CWC27: variants seen among roughly 807,000 people sequenced by gnomAD.
CWC27 encodes spliceosome-associated protein CWC27 homolog.
CWC27 carries 47 observed loss-of-function variants against 63.6 expected under a neutral mutation model. The ratio of observed to expected loss-of-function variants is 0.74; its 90% confidence interval spans 0.58 to 0.94. The LOEUF is 0.94. CWC27 is among the 40% of genes least tolerant of loss of function. The probability of loss-of-function intolerance (pLI) is 0.00; values close to 1 mark genes in which losing one functional copy is unlikely to be tolerated. For synonymous variants in CWC27, 175 were observed against 179.8 expected, an observed-to-expected ratio of 0.97 and a Z score of 0.22; for missense variants, 495 against 554.3, an observed-to-expected ratio of 0.89 and a Z score of 1.07.
chr5:64,840,394 AATATATATATATATAT>A lies in CWC27; in HGVS notation c.938+36030_938+36045del, dbSNP rs61685920. Among the ~76,000 whole-genome samples the A allele has an allele frequency of 5.1e-3, 100 of 19,488 alleles. 1 individual carries two copies. Among genetic ancestry groups the A allele is most frequent in the African/African-American group, 0.012 (66 of 5,528 alleles). The allele number at this position is 19,488 out of a possible 152,430, so 12.8% of individuals were successfully genotyped here. Reference sequence around the variant, plus strand: ...AAAAAAAAAAAAAAAAAAAAAAAAAAATATATATATATATATATATATATATATATATATATACTTA... The same window carrying A: ...AAAAAAAAAAAAAAAAAAAAAAAAAAATATATATATATATATATATACTTA... On this transcript the variant is annotated intron_variant, in intron 10 of 13. Transcript: ENST00000381070.
At chr5:64,801,166 C>A (rs113424297) in intron 8 of CWC27, 136 bp from the exon 9 acceptor site, 2 of 788,646 alleles carry the variant, frequency 2.5e-6, no homozygotes, top group South Asian at 2.0e-5. Context: ...TTCTATAATG[C>A]CTTTCTTAAA....
At chr5:64,885,237 C>T (rs781707640) in intron 10 of CWC27, among the ~76,000 whole-genome samples, 3 of 151,886 alleles carry the variant, frequency 2.0e-5, no homozygotes, top group East Asian at 1.9e-4. Flanking sequence ...TATAGTAATT[C>T]GTATTGTTAT....
In CWC27 at chr5:64,871,511, T is replaced by C. The variant is rs1746674879; in HGVS notation, c.939-13932T>C. ...TTATACATTCTGAGAACTAACAGGA[T>C]TTTAGGATGTGGGAATGCATGCAAA... On this transcript the variant is annotated intron_variant, in intron 10 of 13. Coordinates refer to ENST00000381070, the MANE Select transcript of CWC27 (RefSeq NM_005869.4). Among the ~76,000 whole-genome samples, 2 of 151,954 alleles carry C rather than the reference T, an allele frequency of 1.3e-5. 1 individual carries two copies. Among genetic ancestry groups the C allele is most frequent in the South Asian group, 4.2e-4 (2 of 4,818 alleles).
intron 10 of CWC27, among the ~76,000 whole-genome samples, chr5:64,846,329 A>G (rs1745978564): frequency 6.6e-6 from 1 of 152,260 alleles, no homozygotes; most frequent in South Asian, 2.1e-4. Context: ...TAGCAGCTAT[A>G]GCTAAAATAA....
chr5:64,980,447 C>T (rs530041767), intron 13 of CWC27, among the ~76,000 whole-genome samples: 7 of 152,250 alleles, frequency 4.6e-5, no homozygotes, highest in African/African-American at 1.7e-4. Flanking sequence ...TAGCCACCTG[C>T]TCCTTACACA....
At chr5:64,908,774 C>T (rs112066755) in intron 11 of CWC27, among the ~76,000 whole-genome samples, 5,527 of 152,156 alleles carry the variant, frequency 0.036, 351 homozygotes, top group African/African-American at 0.13. Flanking sequence ...AGCCTATGTG[C>T]GTCTCTGCAC....
chr5:64,819,358 A>T (rs902404502), intron 10 of CWC27, among the ~76,000 whole-genome samples: 1 of 152,078 alleles, frequency 6.6e-6, no homozygotes, highest in Non-Finnish European at 1.5e-5. Flanking sequence ...TGTACCCCCG[A>T]ACCTAAAATA....
intron 1 of CWC27, among the ~76,000 whole-genome samples, chr5:64,772,200 A>C (rs1019869600): frequency 2.6e-5 from 4 of 152,214 alleles, no homozygotes; most frequent in Non-Finnish European, 4.4e-5. Flanking sequence ...TAGTGTGTTC[A>C]TTAGAGCAGT....
chr5:64,845,596 T>C (rs1239088277), intron 10 of CWC27, among the ~76,000 whole-genome samples: 3 of 152,034 alleles, frequency 2.0e-5, no homozygotes, highest in African/African-American at 7.2e-5. Context: ...AACTGAAAAA[T>C]TCAATAGAAA....
chr5:64,892,088 C>G (rs760376075), intron 11 of CWC27, among the ~76,000 whole-genome samples: 11 of 152,186 alleles, frequency 7.2e-5, no homozygotes, highest in Non-Finnish European at 1.5e-4. Flanking sequence ...AGCCACCACT[C>G]CCAGCTCTGT....
At chr5:64,973,878 T>G (rs1749172265) in intron 12 of CWC27, among the ~76,000 whole-genome samples, 1 of 152,170 alleles carries the variant, frequency 6.6e-6, no homozygotes, top group African/African-American at 2.4e-5. Context: ...AAGTCTTTTT[T>G]GTTTTCATTT....
intron 11 of CWC27, among the ~76,000 whole-genome samples, chr5:64,936,083 C>A (rs1748346560): frequency 6.6e-6 from 1 of 152,070 alleles, no homozygotes; most frequent in African/African-American, 2.4e-5. Flanking sequence ...TATTTGAATA[C>A]CCTTTATTTA....
chr5:64,960,578 A>G (rs1748888530), intron 11 of CWC27, among the ~76,000 whole-genome samples: 1 of 152,124 alleles, frequency 6.6e-6, no homozygotes, highest in Non-Finnish European at 1.5e-5. Flanking sequence ...TCCAGAAAGT[A>G]TGAGGTACAA....
intron 11 of CWC27, among the ~76,000 whole-genome samples, chr5:64,910,900 G>A (rs766938504): frequency 2.0e-5 from 3 of 152,296 alleles, no homozygotes; most frequent in Non-Finnish European, 4.4e-5. Context: ...CCTACCCTTT[G>A]TGCTTCCCAG....
chr5:64,954,151 C>T (rs371880181), intron 11 of CWC27, among the ~76,000 whole-genome samples: 1 of 152,168 alleles, frequency 6.6e-6, no homozygotes, highest in African/African-American at 2.4e-5. Flanking sequence ...TGTCTAACTT[C>T]GGTGCCCTTC....
chr5:64,933,860 C>T lies in CWC27; in HGVS notation c.1043-37843C>T, dbSNP rs1036269689. On this transcript the variant is annotated intron_variant, in intron 11 of 13. Coordinates refer to ENST00000381070, the MANE Select transcript of CWC27 (RefSeq NM_005869.4). ...GATACCAGGTCTTTACCCTAAATAC[C>T]TATGTGTATATTTCCTAAAGAAGGA... is the stretch of plus-strand genomic sequence containing the variant. Among the ~76,000 whole-genome samples, 56 of 152,122 alleles carry T rather than the reference C, an allele frequency of 3.7e-4. 1 individual carries two copies. Among genetic ancestry groups the T allele is most frequent in the Admixed American group, 3.1e-3 (48 of 15,268 alleles).
chr5:65,004,863 T>TATATATAC (rs1749802168), intron 13 of CWC27, among the ~76,000 whole-genome samples: 1 of 11,114 alleles, frequency 9.0e-5, no homozygotes, highest in Non-Finnish European at 1.6e-4. Context: ...GACTTTTTCA[T>TATATATAC]ATATATATAT....
intron 11 of CWC27, among the ~76,000 whole-genome samples, chr5:64,948,382 TATC>T (rs1249950367): frequency 2.0e-5 from 3 of 151,994 alleles, no homozygotes; most frequent in Admixed American, 1.3e-4. Context: ...GCCAATATAA[TATC>T]ATCAATTTTT....
chr5:64,849,798 T>TTC (rs147510078), intron 10 of CWC27, among the ~76,000 whole-genome samples: 16 of 150,574 alleles, frequency 1.1e-4, no homozygotes, highest in South Asian at 2.1e-4. Flanking sequence ...TGTGTGGCAG[T>TTC]TCTCTCTCTC....
Sources: allele counts gnomAD v4.1 joint callset (sites outside exome capture counted in the v4.1 genomes callset), GRCh38; gene constraint gnomAD v4.1.1; transcripts MANE v1.5; gene names NCBI Gene and HGNC (gene_info 2026-07-23, HGNC 2026-07-21).